CNTNAP2: variants seen among roughly 807,000 people sequenced by gnomAD.
CNTNAP2 encodes contactin-associated protein-like 2.
A neutral mutation model predicts 155.2 loss-of-function variants in CNTNAP2; 98 were observed. The ratio of observed to expected loss-of-function variants is 0.63; its 90% CI spans 0.54 to 0.75. The LOEUF (loss-of-function observed/expected upper bound fraction) is 0.75. Ranked by LOEUF, CNTNAP2 falls within the 30% of genes least tolerant of loss-of-function variation. The pLI is 0.00. For missense variants in CNTNAP2, 1,727 were observed against 1,688.1 expected (o/e 1.02, Z -0.40); for synonymous variants, 651 against 631.2 (o/e 1.03, Z -0.47).
At chr7:146,129,505 G>T (rs1430199259) in intron 1 of CNTNAP2, among the ~76,000 whole-genome samples, 1 of 152,156 alleles carries the variant, frequency 6.6e-6, no homozygotes, top group Non-Finnish European at 1.5e-5. Flanking sequence ...GTTGTACTGT[G>T]TCAACTGCTC....
chr7:147,829,632 A>G (rs1242679907), intron 13 of CNTNAP2, among the ~76,000 whole-genome samples: 2 of 152,186 alleles, frequency 1.3e-5, no homozygotes, highest in African/African-American at 4.8e-5. Context: ...TAACAGAAAC[A>G]GGATTGGAAC....
chr7:146,823,423 T>C lies in CNTNAP2; in HGVS notation c.209-16288T>C, dbSNP rs1292052163. On this transcript the variant is annotated intron_variant, in intron 2 of 23. Transcript: ENST00000361727. ...TATTTCCATGTAAATATACTCATTC[T>C]TCAGTATATTTCCATGGAAATATAC... 3.4e-5 allele frequency among the ~76,000 whole-genome samples: 4 copies of C among 117,512 alleles called. No individual in the cohort carries two copies. In the East Asian group the frequency reaches 1.0e-3, roughly 31 times the overall value. 77.1% of individuals were successfully genotyped at this position (117,512 alleles called of 152,430 possible).
At chr7:147,508,324 G>A (rs947201868) in intron 11 of CNTNAP2, among the ~76,000 whole-genome samples, 1 of 151,968 alleles carries the variant, frequency 6.6e-6, no homozygotes, top group Admixed American at 6.6e-5. Context: ...AAGGAAAAAC[G>A]GTCCTTTAGC....
chr7:148,279,620 C>G (rs148144710), intron 21 of CNTNAP2, among the ~76,000 whole-genome samples: 1 of 152,190 alleles, frequency 6.6e-6, no homozygotes. Context: ...ACCTGTAACA[C>G]GGCCTTTTCC....
intron 15 of CNTNAP2, among the ~76,000 whole-genome samples, chr7:148,096,895 G>C (rs1803983590): frequency 6.6e-6 from 1 of 152,130 alleles, no homozygotes; most frequent in Non-Finnish European, 1.5e-5. Context: ...GCCAACCTGA[G>C]AGAAGAGGAC....
chr7:147,616,779 T>C (rs975506959), intron 12 of CNTNAP2, among the ~76,000 whole-genome samples: 2 of 152,154 alleles, frequency 1.3e-5, no homozygotes, highest in African/African-American at 4.8e-5. Context: ...AGACTGTAAG[T>C]TGCCTGAGAT....
intron 15 of CNTNAP2, among the ~76,000 whole-genome samples, chr7:148,106,495 T>TAGATAGATAGATATATATAG (rs1396846974): frequency 1.0e-3 from 16 of 15,894 alleles, no homozygotes; most frequent in African/African-American, 1.3e-3. Flanking sequence ...CACTTTGAGA[T>TAGATAGATAGATATATATAG]ATATATATAT....
At chr7:147,063,053 C>G (rs528166772) in intron 4 of CNTNAP2, among the ~76,000 whole-genome samples, 1 of 152,292 alleles carries the variant, frequency 6.6e-6, no homozygotes, top group African/African-American at 2.4e-5. Flanking sequence ...CATGTATTTT[C>G]TAGTCCAACT....
intron 1 of CNTNAP2, among the ~76,000 whole-genome samples, chr7:146,335,494 G>T (rs1801258810): frequency 6.6e-6 from 1 of 152,070 alleles, no homozygotes; most frequent in Non-Finnish European, 1.5e-5. Context: ...CTATAAGAAG[G>T]AGCCTCCCAA....
At chr7:148,039,708 T>C (rs374301163) in intron 15 of CNTNAP2, among the ~76,000 whole-genome samples, 13 of 152,272 alleles carry the variant, frequency 8.5e-5, no homozygotes, top group East Asian at 1.9e-4. Context: ...CAACCCAATA[T>C]TCATGTCACT....
intron 20 of CNTNAP2, among the ~76,000 whole-genome samples, chr7:148,249,733 T>C (rs1175098999): frequency 6.6e-6 from 1 of 152,172 alleles, no homozygotes; most frequent in Non-Finnish European, 1.5e-5. Flanking sequence ...AACCTTGGAA[T>C]ATCACTAGAA....
chr7:147,095,189 T>A (rs1275399002), intron 4 of CNTNAP2, among the ~76,000 whole-genome samples: 1 of 144,750 alleles, frequency 6.9e-6, no homozygotes, highest in Non-Finnish European at 1.5e-5. Flanking sequence ...CTGGCTAATT[T>A]TTTTTTTTTT....
At chr7:146,896,858 T>C (rs1475121997) in intron 3 of CNTNAP2, among the ~76,000 whole-genome samples, 1 of 152,196 alleles carries the variant, frequency 6.6e-6, no homozygotes, top group East Asian at 1.9e-4. Flanking sequence ...ATAAAATATT[T>C]TTAATGATGA....
intron 1 of CNTNAP2, among the ~76,000 whole-genome samples, chr7:146,484,009 C>G: frequency 6.6e-6 from 1 of 152,254 alleles, no homozygotes; most frequent in Middle Eastern, 3.4e-3. Flanking sequence ...ATGTAAGCTC[C>G]GTTCATAGTA....
At chr7:147,477,508 T>G (rs1798343803) in intron 10 of CNTNAP2, among the ~76,000 whole-genome samples, 2 of 152,190 alleles carry the variant, frequency 1.3e-5, no homozygotes, top group Admixed American at 6.5e-5. Flanking sequence ...TTGCCTTTAG[T>G]TTTTCCCTTT....
At chr7:148,060,848 C>T (rs1048822127) in intron 15 of CNTNAP2, among the ~76,000 whole-genome samples, 2 of 152,154 alleles carry the variant, frequency 1.3e-5, no homozygotes, top group African/African-American at 4.8e-5. Context: ...TAACTCAGCT[C>T]TGTCTTTCAC....
At chr7:147,317,792 G>A (rs1286156300) in intron 9 of CNTNAP2, among the ~76,000 whole-genome samples, 3 of 56,378 alleles carry the variant, frequency 5.3e-5, no homozygotes, top group African/African-American at 2.8e-4. Context: ...GTGTGTGTGT[G>A]TGTGTGTATA....
intron 14 of CNTNAP2, among the ~76,000 whole-genome samples, chr7:147,940,625 T>C (rs1307241099): frequency 6.6e-6 from 1 of 152,096 alleles, no homozygotes; most frequent in Non-Finnish European, 1.5e-5. Context: ...GCCTTAACCT[T>C]CTGGGCTCAA....
intron 6 of CNTNAP2, among the ~76,000 whole-genome samples, chr7:147,125,642 G>A (rs1400165543): frequency 1.3e-5 from 2 of 152,200 alleles, no homozygotes; most frequent in African/African-American, 4.8e-5. Context: ...GACCATTGCA[G>A]AACCACAGAC....
Sources: gnomAD v4.1 joint callset for allele counts (sites outside exome capture counted in the v4.1 genomes callset) on GRCh38, gnomAD v4.1.1 for gene constraint, MANE v1.5 for transcripts, NCBI Gene and HGNC (gene_info 2026-07-23, HGNC 2026-07-21) for gene names.